Variants in USP9X observed in about 807,000 individuals in gnomAD.
USP9X encodes the protein ubiquitin specific peptidase 9 X-linked, also known as ubiquitin carboxyl-terminal hydrolase 9X.
Under a neutral mutation model 190.3 loss-of-function variants are expected in USP9X, and 7 were observed. That is an observed-to-expected ratio of 0.04 (90% CI 0.02 to 0.07). USP9X has a LOEUF of 0.07. Ranked by LOEUF, USP9X falls within the 10% of genes least tolerant of loss-of-function variation. USP9X has a pLI of 1.00. For missense variants in USP9X, 1,010 were observed against 1,916.9 expected (o/e 0.53, Z 8.83); for synonymous variants, 645 against 659.5 (o/e 0.98, Z 0.34).
Position 41,189,396 on chromosome X carries a change from C to T in USP9X, c.3898C>T (p.Pro1300Ser). ...EVMTLCFALI[P>S]TALDALSKEK... ...GATGACCTTATGTTTTGCCTTGATTCCAACAGCCTTAGATGCTCTTAGTAA... is the reference window on the plus strand; with the variant it reads ...GATGACCTTATGTTTTGCCTTGATTTCAACAGCCTTAGATGCTCTTAGTAA... Residue 1300 changes from proline to serine, a missense_variant, in exon 26 of 45, where the codon CCA (proline) becomes TCA (serine). Physicochemically the swap from Pro to Ser is moderately conservative, Grantham distance 74 (BLOSUM62 -1). Transcript: ENST00000378308. 8.3e-7 allele frequency: 1 copy of T among 1,211,226 alleles called. No homozygotes were observed. Among genetic ancestry groups the T allele is most frequent in the Non-Finnish European group, 1.1e-6 (1 of 894,874 alleles).
chrX:41,137,298 G>C (rs1190971818), intron 6 of USP9X, among the ~76,000 whole-genome samples: 1 of 111,296 alleles, frequency 9.0e-6, no homozygotes, highest in Non-Finnish European at 1.9e-5. Flanking sequence ...TAGAGTAGGA[G>C]ATTACTTCTT....
intron 31 of USP9X, 192 bp from the exon 32 acceptor site, chrX:41,205,111 G>T: frequency 5.4e-6 from 2 of 371,245 alleles, no homozygotes; most frequent in Non-Finnish European, 4.6e-6. Context: ...CATGGTCAGG[G>T]TTATTTGGTT....
intron 1 of USP9X, among the ~76,000 whole-genome samples, chrX:41,089,910 T>G (rs1423474983): frequency 1.4e-5 from 1 of 73,166 alleles, no homozygotes; most frequent in African/African-American, 5.1e-5. Context: ...AGGGTTTTTT[T>G]TTTTTTTTTT....
rs948787652 is a variant in USP9X at position 41,143,378 on chromosome X, C to A, written c.1249C>A (p.Leu417Ile). The change falls in exon 10 of 45, where the codon CTT becomes ATT. Residue 417 changes from leucine to isoleucine, a missense_variant. By Grantham distance (5) the Leu-to-Ile change is conservative. Coordinates refer to ENST00000378308, the MANE Select transcript of USP9X (RefSeq NM_001039591.3). ...PQYVEKLEKILRFVIKEKALT... is the reference protein window; with the variant it reads ...PQYVEKLEKIIRFVIKEKALT... Reference sequence around the variant, plus strand: ...GTATGTAGAAAAGTTAGAGAAGATTCTTCGTTTTGTCATCAAAGAAAAAGC... The same window carrying A: ...GTATGTAGAAAAGTTAGAGAAGATTATTCGTTTTGTCATCAAAGAAAAAGC... 2.5e-6 allele frequency: 3 copies of A among 1,205,366 alleles called. No individual in the cohort carries two copies. The highest frequency in any genetic ancestry group is 2.2e-6 in the Non-Finnish European group (2 of 891,848).
chrX:41,211,587 G>A (rs1192790697), intron 33 of USP9X, among the ~76,000 whole-genome samples: 2 of 113,350 alleles, frequency 1.8e-5, no homozygotes, highest in Non-Finnish European at 3.7e-5. Flanking sequence ...GGTGAGGGGT[G>A]CCTCTGCCCG....
Position 41,216,583 on chromosome X carries a change from A to G in USP9X, c.6016A>G (p.Ser2006Gly), listed in dbSNP as rs1372675677. 4 of 1,210,959 alleles carry G rather than the reference A, an allele frequency of 3.3e-6. No homozygotes were observed. Among genetic ancestry groups the G allele is most frequent in the East Asian group, 3.0e-5 (1 of 33,845 alleles). ...ATTCATGCATAACCGAATGCAGTAC[A>G]GTATGGAGTATTTTCAGTTTATGAA... The part of the protein sequence containing the change: ...VQFMHNRMQY[S>G]MEYFQFMKKL... Residue 2006 changes from serine to glycine, a missense_variant, in exon 35 of 45, where the codon AGT becomes GGT. By Grantham distance (56) the Ser-to-Gly change is moderately conservative. Coordinates refer to ENST00000378308, the MANE Select transcript of USP9X (RefSeq NM_001039591.3).
At chrX:41,111,422 GACAA>G (rs1042960478) in intron 1 of USP9X, among the ~76,000 whole-genome samples, 10 of 112,157 alleles carry the variant, frequency 8.9e-5, no homozygotes, top group East Asian at 8.4e-4. Context: ...AAGGGGCTAA[GACAA>G]ACAAACACCT....
At chrX:41,118,966 A>C (rs770854643) in intron 1 of USP9X, among the ~76,000 whole-genome samples, 1 of 111,813 alleles carries the variant, frequency 8.9e-6, no homozygotes, top group Non-Finnish European at 1.9e-5. Flanking sequence ...TCAGTGTCTA[A>C]TGATGAGAAG....
intron 41 of USP9X, 87 bp from the exon 42 acceptor site, chrX:41,229,166 C>G: frequency 1.5e-6 from 1 of 646,691 alleles, no homozygotes; most frequent in Non-Finnish European, 2.2e-6. Flanking sequence ...GACTAAAAGA[C>G]ATTATTGAGT....
chrX:41,099,081 A>T (rs1289997080), intron 1 of USP9X, among the ~76,000 whole-genome samples: 2 of 92,309 alleles, frequency 2.2e-5, no homozygotes, highest in Non-Finnish European at 4.2e-5. Flanking sequence ...CACATGCCAT[A>T]ATGCCCAGAT....
chrX:41,147,754 G>A (rs934156908), intron 11 of USP9X, among the ~76,000 whole-genome samples: 2 of 112,117 alleles, frequency 1.8e-5, no homozygotes, highest in African/African-American at 6.5e-5. Context: ...TGCCCGGTCA[G>A]CTTAATCGTT....
At chrX:41,180,968 C>T (rs1206542121) in intron 21 of USP9X, among the ~76,000 whole-genome samples, 2 of 111,507 alleles carry the variant, frequency 1.8e-5, no homozygotes, top group African/African-American at 6.5e-5. Context: ...ATTTAAAATA[C>T]ATCCAAGAGT....
Position 41,197,352 on chromosome X carries a change from C to CCCCCCGG in USP9X, c.4234-12_4234-11insCCCCCGG. On this transcript the variant is annotated splice_polypyrimidine_tract_variant and intron_variant, in intron 28 of 44. Transcript: ENST00000378308. ...TTCTTCCCCCCCCCACCCCACCCCC[C>CCCCCCGG]GCCTTTGGCAGGATGATGTTAAAAG... is the stretch of plus-strand genomic sequence containing the variant. The CCCCCCGG allele has an allele frequency of 1.0e-6, 1 of 988,189 alleles. No homozygotes were observed. 81.4% of individuals were successfully genotyped at this position (988,189 alleles called of 1,213,427 possible).
At chrX:41,229,904 G>T in intron 43 of USP9X, 125 bp downstream of exon 43, 2 of 1,112,189 alleles carry the variant, frequency 1.8e-6, no homozygotes, top group South Asian at 4.4e-5. Flanking sequence ...TTTGGGTTTT[G>T]AAAAATGTTT....
chrX:41,197,499 A>G lies in USP9X; in HGVS notation c.4369A>G (p.Asn1457Asp), dbSNP rs1173082682. 21 of 1,207,594 alleles carry G rather than the reference A, an allele frequency of 1.7e-5. No individual in the cohort carries two copies. The highest frequency in any genetic ancestry group is 2.2e-5 in the Non-Finnish European group (20 of 894,165). Residue 1457 changes from asparagine (N) to aspartate (D), a missense_variant, in exon 29 of 45, where the codon AAT (asparagine) becomes GAT (aspartate). Physicochemically the swap from Asn to Asp is conservative, Grantham distance 23. Coordinates refer to ENST00000378308, the MANE Select transcript of USP9X (RefSeq NM_001039591.3). ...TATTGGTTGTGAAAAAGGAGGTGCTAATCTCATTAAAGTAAGTTCTGTGTT... is the reference window on the plus strand; with the variant it reads ...TATTGGTTGTGAAAAAGGAGGTGCTGATCTCATTAAAGTAAGTTCTGTGTT... ...FHIGCEKGGA[N>D]LIKELIDDFI...
At chrX:41,115,244 A>AG (rs1555916912) in intron 1 of USP9X, among the ~76,000 whole-genome samples, 1 of 81,171 alleles carries the variant, frequency 1.2e-5, no homozygotes, top group Non-Finnish European at 2.6e-5. Context: ...AAGAAAAAGA[A>AG]AAAAAAAAAA....
chrX:41,142,460 G>A (rs559836546), intron 9 of USP9X, among the ~76,000 whole-genome samples: 81 of 111,477 alleles, frequency 7.3e-4, no homozygotes, highest in African/African-American at 2.5e-3. Context: ...GCAACAAAGC[G>A]AGACCCTGTC....
At position 41,138,509 on chromosome X, in the gene USP9X, T is replaced by G. The variant is rs371068581; in HGVS notation, c.654+1487T>G. On this transcript the variant is annotated intron_variant, in intron 6 of 44. Transcript: ENST00000378308. ...CTTAAAAGTGTTTTATTCGGAATAT[T>G]TTTGAGCCTTAATACTTAATCATTC... Among the ~76,000 whole-genome samples, 19 of 111,960 alleles carry G rather than the reference T, an allele frequency of 1.7e-4. No individual in the cohort carries two copies. The South Asian group carries it at 7.0e-3, about 41-fold the overall frequency.
intron 4 of USP9X, 41 bp from the exon 5 acceptor site, chrX:41,134,684 T>G: frequency 8.9e-7 from 1 of 1,121,924 alleles, no homozygotes; most frequent in Non-Finnish European, 1.2e-6. Flanking sequence ...AACAACCAGA[T>G]GAACATTTTG....
Sources: allele counts gnomAD v4.1 joint callset (sites outside exome capture counted in the v4.1 genomes callset), GRCh38; gene constraint gnomAD v4.1.1; transcripts MANE v1.5; gene names NCBI Gene and HGNC (gene_info 2026-07-23, HGNC 2026-07-21).